The following XKR9 variants were observed in gnomAD, a reference collection of about 807,000 sequenced individuals.
The protein encoded by XKR9 is XK related 9.
XKR9 carries 32 observed loss-of-function variants against 32.0 expected under a neutral mutation model. The observed-to-expected ratio is 1.00, with a 90% CI of 0.76 to 1.34. The LOEUF is 1.34. Ranked by LOEUF, XKR9 falls within the 40% of genes most tolerant of loss-of-function variation. The pLI is 0.00. For synonymous variants in XKR9, 168 were observed against 143.4 expected, an observed-to-expected ratio of 1.17 and a Z score of -1.22; for missense variants, 546 against 429.7, an observed-to-expected ratio of 1.27 and a Z score of -2.39.
At chr8:70,748,711 A>C (rs7015947) in intron 2 of XKR9, among the ~76,000 whole-genome samples, 3 of 152,032 alleles carry the variant, frequency 2.0e-5, no homozygotes, top group Non-Finnish European at 2.9e-5. Context: ...CTAGCCAGGG[A>C]CAGCCTGAAG....
At chr8:71,057,862 C>G in the XKR9 span, among the ~76,000 whole-genome samples, 2 of 152,094 alleles carry the variant, frequency 1.3e-5, no homozygotes, top group Admixed American at 6.6e-5. Context: ...CCACTCTGAG[C>G]CTTTGGGAGT....
At chr8:70,940,496 G>A in the XKR9 span, among the ~76,000 whole-genome samples, 628 of 152,086 alleles carry the variant, frequency 4.1e-3, 33 homozygotes, top group East Asian at 0.098. Context: ...ATGCAAGACA[G>A]GGTTAATTAT....
Position 70,734,528 on chromosome 8 carries a change from T to G in XKR9, c.*104T>G. 1 of 1,360,562 alleles carries G rather than the reference T, an allele frequency of 7.3e-7. No homozygotes were observed. 84.3% of individuals were successfully genotyped at this position (1,360,562 alleles called of 1,614,324 possible). A position where few individuals can be genotyped will look rare whatever the true frequency, so the allele number is the denominator to read the frequency against. On this transcript the variant is annotated 3_prime_UTR_variant, in exon 5 of 5. Coordinates refer to ENST00000408926, the MANE Select transcript of XKR9 (RefSeq NM_001011720.2). ...TGTCTCTTATTTTTGCCACCTTTAA[T>G]TTGAAATTAGTTCAGTGAAATAGGA... is the stretch of plus-strand genomic sequence containing the variant.
chr8:70,859,315 G>A, the XKR9 span, among the ~76,000 whole-genome samples: 1 of 152,076 alleles, frequency 6.6e-6, no homozygotes, highest in Non-Finnish European at 1.5e-5. Flanking sequence ...TCTCACTCCA[G>A]TTAAATGTCT....
chr8:71,040,458 T>C, the XKR9 span, among the ~76,000 whole-genome samples: 1 of 152,226 alleles, frequency 6.6e-6, no homozygotes, highest in Non-Finnish European at 1.5e-5. Context: ...TTCCCATCAT[T>C]CATTAATTTA....
chr8:70,784,758 G>A (rs188579977), intron 2 of XKR9, among the ~76,000 whole-genome samples: 4 of 152,118 alleles, frequency 2.6e-5, no homozygotes, highest in African/African-American at 9.6e-5. Flanking sequence ...GTAAGAATAG[G>A]CATCCTTGTC....
chr8:71,043,180 G>A, the XKR9 span, among the ~76,000 whole-genome samples: 1 of 152,186 alleles, frequency 6.6e-6, no homozygotes, highest in Non-Finnish European at 1.5e-5. Flanking sequence ...TTCCCCCAGT[G>A]CCCTGACACT....
In XKR9 at chr8:70,733,799, C is replaced by T. The variant is rs140711820; in HGVS notation, c.497C>T (p.Ala166Val). ...TTTTTATTTTTTTGTTTTGTAGATGCGGCCATCATGGTCTCTTGCTGTGCT... is the reference window on the plus strand; with the variant it reads ...TTTTTATTTTTTTGTTTTGTAGATGTGGCCATCATGGTCTCTTGCTGTGCT... ...EHGQANFSQY[A>V]AIMVSCCAIS... Residue 166 changes from alanine to valine, a missense_variant, in exon 5 of 5, where the codon GCG becomes GTG. Coordinates refer to ENST00000408926, the MANE Select transcript of XKR9 (RefSeq NM_001011720.2). 5.7e-5 allele frequency: 88 copies of T among 1,546,554 alleles called. No individual in the cohort carries two copies. Among genetic ancestry groups the T allele is most frequent in the South Asian group, 3.0e-4 (24 of 79,060 alleles).
At chr8:71,002,502 T>C in the XKR9 span, among the ~76,000 whole-genome samples, 1 of 152,054 alleles carries the variant, frequency 6.6e-6, no homozygotes, top group Non-Finnish European at 1.5e-5. Flanking sequence ...TAAGTAAATT[T>C]AATTTATATA....
chr8:70,724,348 C>T (rs542906446), intron 4 of XKR9, among the ~76,000 whole-genome samples: 3 of 151,844 alleles, frequency 2.0e-5, no homozygotes, highest in African/African-American at 7.3e-5. Context: ...TGAGTGAGAC[C>T]ACTTGGCTCC....
the XKR9 span, among the ~76,000 whole-genome samples, chr8:71,054,830 A>G: frequency 6.6e-6 from 1 of 152,204 alleles, no homozygotes; most frequent in Admixed American, 6.5e-5. Flanking sequence ...AACTCTGCGC[A>G]GGTGTTGCTA....
intron 4 of XKR9, among the ~76,000 whole-genome samples, chr8:70,712,764 C>A (rs747796434): frequency 1.3e-5 from 2 of 152,094 alleles, no homozygotes; most frequent in South Asian, 4.1e-4. Context: ...AAAGACAAGC[C>A]ATGAATATAG....
chr8:70,800,633 C>G, the XKR9 span, among the ~76,000 whole-genome samples: 2 of 152,036 alleles, frequency 1.3e-5, no homozygotes, highest in Non-Finnish European at 2.9e-5. Flanking sequence ...TTACAGCCAA[C>G]TGTCACCACG....
the XKR9 span, among the ~76,000 whole-genome samples, chr8:70,917,699 G>A: frequency 3.3e-5 from 5 of 152,166 alleles, no homozygotes; most frequent in East Asian, 1.9e-4. Flanking sequence ...ATCAACTGTC[G>A]TAATCTTTAA....
At chr8:71,019,295 A>G in the XKR9 span, among the ~76,000 whole-genome samples, 1 of 152,230 alleles carries the variant, frequency 6.6e-6, no homozygotes, top group African/African-American at 2.4e-5. Flanking sequence ...TGCTTATTCA[A>G]GAGACAAAGC....
chr8:70,699,581 G>A lies in XKR9; in HGVS notation c.273-7352G>A, dbSNP rs532542566. 2.1e-4 allele frequency among the ~76,000 whole-genome samples: 32 copies of A among 152,214 alleles called. 1 individual carries two copies. In the South Asian group the frequency reaches 5.0e-3, roughly 24 times the overall value. On this transcript the variant is annotated intron_variant, in intron 3 of 4. Transcript: ENST00000408926. Reference sequence around the variant, plus strand: ...TTAGTCTGATGGGCTTCCCTTTGTGGGTAACCCAACCTTTCTCTCTGGCTG... The same window carrying A: ...TTAGTCTGATGGGCTTCCCTTTGTGAGTAACCCAACCTTTCTCTCTGGCTG...
chr8:71,046,958 T>C, the XKR9 span, among the ~76,000 whole-genome samples: 1 of 152,346 alleles, frequency 6.6e-6, no homozygotes, highest in South Asian at 2.1e-4. Context: ...GAACATGGCC[T>C]CTAACATGAG....
the XKR9 span, among the ~76,000 whole-genome samples, chr8:70,885,623 G>A: frequency 6.6e-6 from 1 of 151,312 alleles, no homozygotes; most frequent in Non-Finnish European, 1.5e-5. Flanking sequence ...TTGAGACTGC[G>A]TCTTGCTCTG....
At chr8:70,969,640 C>T in the XKR9 span, among the ~76,000 whole-genome samples, 1 of 152,168 alleles carries the variant, frequency 6.6e-6, no homozygotes, top group South Asian at 2.1e-4. Context: ...CTCATTTTTC[C>T]ATGGCTAAAA....
Sources: gnomAD v4.1 joint callset for allele counts (sites outside exome capture counted in the v4.1 genomes callset) on GRCh38, gnomAD v4.1.1 for gene constraint, MANE v1.5 for transcripts, NCBI Gene and HGNC (gene_info 2026-07-23, HGNC 2026-07-21) for gene names.